Variants in CPS1 observed in about 807,000 individuals in gnomAD.
CPS1 encodes the protein carbamoyl-phosphate synthase [ammonia], mitochondrial.
A neutral mutation model predicts 174.6 loss-of-function variants in CPS1; 109 were observed. That is an observed-to-expected ratio of 0.62 (90% confidence interval 0.53 to 0.73). The LOEUF is 0.73. Ranked by LOEUF, CPS1 falls within the 30% of genes least tolerant of loss-of-function variation. The pLI is 0.00. For synonymous variants in CPS1, 637 were observed against 632.0 expected, an observed-to-expected ratio of 1.01 and a Z score of -0.12; for missense variants, 1,689 against 1,821.9, an observed-to-expected ratio of 0.93 and a Z score of 1.33.
chr2:210,490,515 T>C (rs1380733792), intron 1 of CPS1, among the ~76,000 whole-genome samples: 1 of 152,238 alleles, frequency 6.6e-6, no homozygotes, highest in African/African-American at 2.4e-5. Context: ...GAATTTATCC[T>C]TGAGCTCCTC....
chr2:210,551,164 T>G (rs2106026722), intron 1 of CPS1, among the ~76,000 whole-genome samples: 1 of 152,076 alleles, frequency 6.6e-6, no homozygotes, highest in Non-Finnish European at 1.5e-5. Flanking sequence ...TTGGACTAAC[T>G]TACACGTGAC....
rs1251314142 is a variant in CPS1, at chr2:210,637,865, C to A, written c.2829+22C>A. The A allele has an allele frequency of 3.1e-6, 5 of 1,613,342 alleles. No homozygotes were observed. In the East Asian group the frequency reaches 8.9e-5, roughly 29 times the overall value. ...ACAGGTAAAGGAGTTTCCCTTTTCC[C>A]CCATCCCCCACTGACAGGATTTCTG... is the stretch of plus-strand genomic sequence containing the variant. On this transcript the variant is annotated intron_variant, in intron 22 of 37. Coordinates refer to ENST00000233072, the MANE Select transcript of CPS1 (RefSeq NM_001875.5).
In CPS1 at chr2:210,600,731, G is replaced by C; in HGVS notation, c.1707+19G>C. Reference sequence around the variant, plus strand: ...GGAATCGGTAAGGATTCTTTGCTTTGGAAAAACAAGGGCATTATTTGTCTT... The same window carrying C: ...GGAATCGGTAAGGATTCTTTGCTTTCGAAAAACAAGGGCATTATTTGTCTT... On this transcript the variant is annotated intron_variant, in intron 15 of 37. Transcript: ENST00000233072. 1 of 1,610,842 alleles carries C rather than the reference G, an allele frequency of 6.2e-7. No homozygotes were observed. The highest frequency in any genetic ancestry group is 8.5e-7 in the Non-Finnish European group (1 of 1,177,826).
intron 21 of CPS1, among the ~76,000 whole-genome samples, chr2:210,630,175 T>A (rs1699825197): frequency 6.6e-6 from 1 of 152,116 alleles, no homozygotes; most frequent in South Asian, 2.1e-4. Flanking sequence ...TTAAGCGTTT[T>A]TCTTCATCAT....
chr2:210,677,921 C>T lies in CPS1; in HGVS notation c.4439C>T (p.Ser1480Phe). 6.2e-7 allele frequency: 1 copy of T among 1,614,068 alleles called. No homozygotes were observed. Among genetic ancestry groups the T allele is most frequent in the Non-Finnish European group, 8.5e-7 (1 of 1,179,974 alleles). The part of the protein sequence containing the change: ...TKLFAEAVQK[S>F]RKVDSKSLFH... Reference sequence around the variant, plus strand: ...CTTTTTGCTGAAGCTGTGCAGAAATCTCGCAAGGTGGACTCCAAGAGTCTT... The same window carrying T: ...CTTTTTGCTGAAGCTGTGCAGAAATTTCGCAAGGTGGACTCCAAGAGTCTT... The change falls in exon 38 of 38, where the codon TCT (serine) becomes TTT (phenylalanine). Residue 1480 changes from serine to phenylalanine, a missense_variant. Coordinates refer to ENST00000233072, the MANE Select transcript of CPS1 (RefSeq NM_001875.5).
At chr2:210,650,717 A>G (rs1321647734) in intron 28 of CPS1, among the ~76,000 whole-genome samples, 2 of 152,150 alleles carry the variant, frequency 1.3e-5, no homozygotes, top group African/African-American at 2.4e-5. Context: ...CAGATTTTAG[A>G]CTCCAGGAGT....
intron 1 of CPS1, among the ~76,000 whole-genome samples, chr2:210,511,592 G>A (rs2105975586): frequency 6.6e-6 from 1 of 152,176 alleles, no homozygotes; most frequent in East Asian, 1.9e-4. Context: ...CTGATGAAGA[G>A]AGACTCAGTA....
chr2:210,658,106 T>C (rs1700778983), intron 30 of CPS1: 1 of 172,414 alleles, frequency 5.8e-6, no homozygotes, highest in Admixed American at 5.4e-5. Context: ...AGGGAAACAC[T>C]GTTTCCTTCT....
At chr2:210,509,317 AC>A (rs1348962729) in intron 1 of CPS1, among the ~76,000 whole-genome samples, 1 of 152,248 alleles carries the variant, frequency 6.6e-6, no homozygotes, top group African/African-American at 2.4e-5. Flanking sequence ...AAGGCCTTTG[AC>A]AAAATTCAAC....
intron 21 of CPS1, among the ~76,000 whole-genome samples, chr2:210,623,033 T>G (rs922576345): frequency 6.6e-6 from 1 of 152,116 alleles, no homozygotes; most frequent in African/African-American, 2.4e-5. Context: ...AGTGATTATC[T>G]TAAAGAAGAT....
chr2:210,597,385 T>A (rs199520742), intron 13 of CPS1, among the ~76,000 whole-genome samples: 1 of 151,884 alleles, frequency 6.6e-6, no homozygotes, highest in East Asian at 1.9e-4. Context: ...ATTAGCTATG[T>A]GACCTTTAGC....
upstream of CPS1, among the ~76,000 whole-genome samples, chr2:210,552,988 A>G (rs1188920126): frequency 6.6e-6 from 1 of 152,040 alleles, no homozygotes; most frequent in African/African-American, 2.4e-5. Context: ...AGGGACACCC[A>G]TATATTGCAC....
chr2:210,610,762 A>G (rs1699084877), intron 19 of CPS1, among the ~76,000 whole-genome samples: 2 of 151,848 alleles, frequency 1.3e-5, no homozygotes, highest in Non-Finnish European at 2.9e-5. Context: ...TCAAAAAGCA[A>G]AAATATATAG....
chr2:210,616,594 A>C, intron 21 of CPS1, 53 bp downstream of exon 21: 1 of 1,052,208 alleles, frequency 9.5e-7, no homozygotes. Flanking sequence ...CAATTTTTAA[A>C]GAGTCTTCTT....
At chr2:210,655,823 A>G (rs1700687227) in intron 29 of CPS1, among the ~76,000 whole-genome samples, 1 of 152,104 alleles carries the variant, frequency 6.6e-6, no homozygotes, top group East Asian at 1.9e-4. Flanking sequence ...TTTTATACCT[A>G]CCCAATTATT....
intron 16 of CPS1, among the ~76,000 whole-genome samples, chr2:210,603,212 G>A (rs1252519854): frequency 2.6e-5 from 4 of 151,824 alleles, no homozygotes; most frequent in Non-Finnish European, 4.4e-5. Context: ...TACTGTAAGG[G>A]CTATTTTGGG....
chr2:210,664,684 T>G lies in CPS1; in HGVS notation c.4002+1487T>G, dbSNP rs150357933. Among the ~76,000 whole-genome samples the G allele has an allele frequency of 9.2e-3, 1,405 of 152,270 alleles. 12 individuals carry two copies. The highest frequency in any genetic ancestry group is 0.014 in the Non-Finnish European group (975 of 68,014). ...GTTCATTCTGCATCCATACATATGT[T>G]ATGGGAGTTATTGAAATATAAAAAT... On this transcript the variant is annotated intron_variant, in intron 33 of 37. Coordinates refer to ENST00000233072, the MANE Select transcript of CPS1 (RefSeq NM_001875.5).
At chr2:210,523,174 T>G (rs561302323) in intron 1 of CPS1, among the ~76,000 whole-genome samples, 12 of 151,972 alleles carry the variant, frequency 7.9e-5, no homozygotes, top group Non-Finnish European at 1.8e-4. Context: ...AATGTGAAGT[T>G]CTTTATGTTT....
At chr2:210,537,235 T>C (rs560262097) in intron 1 of CPS1, among the ~76,000 whole-genome samples, 1 of 152,320 alleles carries the variant, frequency 6.6e-6, no homozygotes, top group Non-Finnish European at 1.5e-5. Flanking sequence ...CAATGAGTGG[T>C]GAGAAGGGCT....
Sources: allele counts gnomAD v4.1 joint callset (sites outside exome capture counted in the v4.1 genomes callset), GRCh38; gene constraint gnomAD v4.1.1; transcripts MANE v1.5; gene names NCBI Gene and HGNC (gene_info 2026-07-23, HGNC 2026-07-21).